UGT1A8: variants seen among roughly 807,000 people sequenced by gnomAD.
UGT1A8 encodes UDP glucuronosyltransferase family 1 member A8, also known as UDP-glucuronosyltransferase 1A8.
In UGT1A8, 39 loss-of-function variants were observed where a neutral mutation model predicts 45.3. The ratio of observed to expected loss-of-function variants is 0.86; its 90% CI spans 0.67 to 1.12. The LOEUF (loss-of-function observed/expected upper bound fraction) is 1.12. UGT1A8 is among the 50% of genes most tolerant of loss of function. The probability of loss-of-function intolerance (pLI) is 0.00; values close to 1 mark genes in which losing one functional copy is unlikely to be tolerated. For synonymous variants in UGT1A8, 275 were observed against 249.2 expected, an observed-to-expected ratio of 1.10 and a Z score of -0.97; for missense variants, 719 against 664.9, an observed-to-expected ratio of 1.08 and a Z score of -0.90.
At chr2:233,717,961 C>T (rs1265478221) in intron 1 of UGT1A8, 1 of 449,854 alleles carries the variant, frequency 2.2e-6, no homozygotes, top group Non-Finnish European at 4.5e-6. Context: ...AAGACTGGAG[C>T]CTTTGGCATT....
intron 1 of UGT1A8, among the ~76,000 whole-genome samples, chr2:233,695,229 G>T (rs1218832857): frequency 6.6e-6 from 1 of 151,334 alleles, no homozygotes; most frequent in African/African-American, 2.4e-5. Context: ...GGGTTCAAGC[G>T]ATTCTCCTGC....
intron 1 of UGT1A8, chr2:233,647,933 T>A: frequency 1.2e-6 from 2 of 1,604,578 alleles, no homozygotes; most frequent in Non-Finnish European, 1.7e-6. Flanking sequence ...TCACTGCCCA[T>A]GGATGGGAGC....
intron 1 of UGT1A8, among the ~76,000 whole-genome samples, chr2:233,663,157 C>T (rs2074008755): frequency 6.6e-6 from 1 of 152,154 alleles, no homozygotes; most frequent in Non-Finnish European, 1.5e-5. Context: ...CCTCCAAGCC[C>T]TGGTGTAACC....
intron 1 of UGT1A8, 125 bp downstream of exon 1, chr2:233,618,687 G>A: frequency 1.3e-6 from 2 of 1,498,838 alleles, no homozygotes; most frequent in Non-Finnish European, 8.8e-7. Context: ...CAGTTTAACA[G>A]ATTATTTTGT....
chr2:233,662,733 T>C (rs1443235801), intron 1 of UGT1A8, among the ~76,000 whole-genome samples: 1 of 152,152 alleles, frequency 6.6e-6, no homozygotes, highest in Admixed American at 6.5e-5. Flanking sequence ...TCTTTCACCA[T>C]TAAGGATGAT....
chr2:233,729,115 T>G (rs376445258), intron 1 of UGT1A8: 49 of 1,612,840 alleles, frequency 3.0e-5, no homozygotes, highest in Non-Finnish European at 3.5e-5. Context: ...GCTGTCCGTG[T>G]CTTCTGCTGA....
chr2:233,619,207 C>T (rs752486161), intron 1 of UGT1A8, among the ~76,000 whole-genome samples: 1 of 152,056 alleles, frequency 6.6e-6, no homozygotes, highest in Non-Finnish European at 1.5e-5. Context: ...TTCTTCTTTA[C>T]CTTGCATTTT....
chr2:233,709,314 G>A (rs1055601324), intron 1 of UGT1A8, among the ~76,000 whole-genome samples: 31 of 152,226 alleles, frequency 2.0e-4, no homozygotes, highest in Non-Finnish European at 2.2e-4. Flanking sequence ...TTAGATGTCA[G>A]ATTTTTTGTT....
intron 1 of UGT1A8, among the ~76,000 whole-genome samples, chr2:233,656,162 C>T (rs931463574): frequency 2.6e-5 from 4 of 152,150 alleles, no homozygotes; most frequent in Admixed American, 6.5e-5. Flanking sequence ...CTGACTCATG[C>T]GTATTGAACA....
chr2:233,747,448 C>A (rs577048097), intron 1 of UGT1A8: 2 of 1,609,000 alleles, frequency 1.2e-6, no homozygotes, highest in East Asian at 4.5e-5. Flanking sequence ...ACCCTGACAA[C>A]CTATGCCATT....
At chr2:233,620,933 C>A (rs905943837) in intron 1 of UGT1A8, among the ~76,000 whole-genome samples, 2 of 152,148 alleles carry the variant, frequency 1.3e-5, no homozygotes, top group Non-Finnish European at 2.9e-5. Context: ...GAGAAGGAAG[C>A]ATTACTTAGT....
intron 1 of UGT1A8, among the ~76,000 whole-genome samples, chr2:233,694,660 A>G (rs534591293): frequency 3.3e-5 from 5 of 152,152 alleles, no homozygotes; most frequent in Non-Finnish European, 7.3e-5. Context: ...TTTTTATCAG[A>G]GAGAAAGCCT....
At position 233,743,680 on chromosome 2, in the gene UGT1A8, G is replaced by C. The variant is rs555741522; in HGVS notation, c.856-23354G>C. 7 of 1,367,102 alleles carry C rather than the reference G, an allele frequency of 5.1e-6. No homozygotes were observed. The South Asian group carries it at 6.8e-5, about 13-fold the overall frequency. 84.7% of individuals were successfully genotyped at this position (1,367,102 alleles called of 1,614,324 possible). On this transcript the variant is annotated intron_variant, in intron 1 of 4. Coordinates refer to ENST00000373450, the MANE Select transcript of UGT1A8 (RefSeq NM_019076.5). The stretch of plus-strand genomic sequence containing the variant: ...CGAAGGGGTCCTCGAAGGGCCTGCC[G>C]CCTGTGCAGCCGCCCTCCGCCCCCG...
At chr2:233,709,597 G>T (rs4408722) in intron 1 of UGT1A8, among the ~76,000 whole-genome samples, 2,036 of 152,244 alleles carry the variant, frequency 0.013, 51 homozygotes, top group African/African-American at 0.047. Flanking sequence ...GGATGTGAAA[G>T]AAACATTATT....
At chr2:233,767,790 T>C in intron 2 of UGT1A8, 59 bp from the exon 3 acceptor site, 1 of 1,614,008 alleles carries the variant, frequency 6.2e-7, no homozygotes, top group Non-Finnish European at 8.5e-7. Flanking sequence ...GTATAGCAGA[T>C]TTGTTTTCTA....
intron 1 of UGT1A8, chr2:233,743,927 C>A (rs773932018): frequency 1.2e-5 from 17 of 1,360,072 alleles, no homozygotes; most frequent in Non-Finnish European, 1.6e-5. Context: ...GCTGGATGGC[C>A]AGAACGGCCC....
intron 1 of UGT1A8, among the ~76,000 whole-genome samples, chr2:233,715,166 G>A (rs568439911): frequency 2.0e-5 from 3 of 152,228 alleles, no homozygotes; most frequent in East Asian, 3.9e-4. Context: ...AATTACAGGC[G>A]CGAGCCACCA....
Position 233,617,849 on chromosome 2 carries a change from C to T in UGT1A8, c.142C>T (p.Leu48Phe), listed in dbSNP as rs367811635. Reference sequence around the variant, plus strand: ...CACCATGCAGTCGGTGGTGGAGAAACTTATCCTCAGGGGGCATGAGGTGGT... The same window carrying T: ...CACCATGCAGTCGGTGGTGGAGAAATTTATCCTCAGGGGGCATGAGGTGGT... ...WFTMQSVVEK[L>F]ILRGHEVVVV... is the part of the protein sequence containing the mutation. Residue 48 changes from leucine to phenylalanine, a missense_variant, in exon 1 of 5, where the codon CTT (leucine) becomes TTT (phenylalanine). Coordinates refer to ENST00000373450, the MANE Select transcript of UGT1A8 (RefSeq NM_019076.5). 2.3e-5 allele frequency: 37 copies of T among 1,613,924 alleles called. No homozygotes were observed. The highest frequency in any genetic ancestry group is 3.1e-5 in the Non-Finnish European group (37 of 1,180,016).
In UGT1A8 at chr2:233,725,175, T is replaced by TG. The variant is rs1374547834; in HGVS notation, c.856-41855dup. On this transcript the variant is annotated intron_variant, in intron 1 of 4. Transcript: ENST00000373450. ...TCGGCTCTGCATGAGAGGGAGACCG[T>TG]GGGGAGAGGCAGAGGCAGAGGCAGA... Among the ~76,000 whole-genome samples the TG allele has an allele frequency of 1.3e-4, 11 of 81,994 alleles. 2 individuals are homozygous for TG. In the East Asian group the frequency reaches 2.4e-3, roughly 18 times the overall value. 53.8% of individuals were successfully genotyped at this position (81,994 alleles called of 152,430 possible). A position where few individuals can be genotyped will look rare whatever the true frequency, so the allele number is the denominator to read the frequency against.
Sources: allele counts gnomAD v4.1 joint callset (sites outside exome capture counted in the v4.1 genomes callset), GRCh38; gene constraint gnomAD v4.1.1; transcripts MANE v1.5; gene names NCBI Gene and HGNC (gene_info 2026-07-23, HGNC 2026-07-21).